NLGN1: variants seen among roughly 807,000 people sequenced by gnomAD.
The protein encoded by NLGN1 is neuroligin-1.
Under a neutral mutation model 65.5 loss-of-function variants are expected in NLGN1, and 12 were observed. The ratio of observed to expected loss-of-function variants is 0.18; its 90% CI spans 0.12 to 0.30. NLGN1 has a LOEUF of 0.30. Among genes scored for constraint, NLGN1 ranks in the 10% least tolerant of loss-of-function variants. NLGN1 has a pLI of 1.00. For synonymous variants in NLGN1, 350 were observed against 359.5 expected, an observed-to-expected ratio of 0.97 and a Z score of 0.30; for missense variants, 750 against 1,007.1, an observed-to-expected ratio of 0.74 and a Z score of 3.46.
chr3:174,104,597 G>T (rs954792944), intron 4 of NLGN1, among the ~76,000 whole-genome samples: 4 of 152,166 alleles, frequency 2.6e-5, no homozygotes, highest in East Asian at 3.9e-4. Context: ...AAGAATAAAA[G>T]ATATAAAAAC....
chr3:173,455,146 T>C (rs1407616187), intron 2 of NLGN1, among the ~76,000 whole-genome samples: 1 of 152,202 alleles, frequency 6.6e-6, no homozygotes. Flanking sequence ...TTCACATTGC[T>C]ATTAATAAAT....
chr3:173,744,826 A>AT (rs1467859113), intron 3 of NLGN1, among the ~76,000 whole-genome samples: 13 of 98,296 alleles, frequency 1.3e-4, no homozygotes, highest in East Asian at 4.5e-4. Flanking sequence ...GCTGTTATTT[A>AT]TTTATTTTTT....
chr3:173,822,632 T>C (rs1268357883), intron 4 of NLGN1, among the ~76,000 whole-genome samples: 2 of 152,090 alleles, frequency 1.3e-5, no homozygotes, highest in Non-Finnish European at 2.9e-5. Flanking sequence ...ACAATTCTGA[T>C]CCCCAAGCAT....
At position 174,279,717 on chromosome 3, in the gene NLGN1, A is replaced by G; in HGVS notation, c.1649+67A>G. 4.3e-6 allele frequency: 4 copies of G among 923,818 alleles called. No homozygotes were observed. Among genetic ancestry groups the G allele is most frequent in the Non-Finnish European group, 6.5e-6 (4 of 610,960 alleles). 57.2% of individuals were successfully genotyped at this position (923,818 alleles called of 1,614,324 possible). A position where few individuals can be genotyped will look rare whatever the true frequency, so the allele number is the denominator to read the frequency against. On this transcript the variant is annotated intron_variant, in intron 6 of 6. Coordinates refer to ENST00000457714, the Ensembl canonical transcript of NLGN1. This position sits in a 1 kb window ranked among gnomAD's most constrained non-coding sequence, Gnocchi z 4.7. ...TATTTTAACCATTTTAAAATAATAGATATTTATGCCCAGATAATGTCATAT... is the reference window on the plus strand; with the variant it reads ...TATTTTAACCATTTTAAAATAATAGGTATTTATGCCCAGATAATGTCATAT...
chr3:173,475,105 G>A (rs114796334), intron 2 of NLGN1, among the ~76,000 whole-genome samples: 11 of 152,130 alleles, frequency 7.2e-5, no homozygotes, highest in Non-Finnish European at 1.3e-4. Context: ...CTTATACTCT[G>A]GCTAATAGAT....
At chr3:173,951,116 C>T (rs6764805) in intron 4 of NLGN1, among the ~76,000 whole-genome samples, 1 of 152,060 alleles carries the variant, frequency 6.6e-6, no homozygotes, top group African/African-American at 2.4e-5. Context: ...ATCCATCTGC[C>T]TCGGCCTCCC....
chr3:173,455,319 T>C (rs1170160816), intron 2 of NLGN1, among the ~76,000 whole-genome samples: 1 of 151,988 alleles, frequency 6.6e-6, no homozygotes, highest in East Asian at 1.9e-4. Context: ...TGAAATCTCA[T>C]GTGAAAGAGC....
chr3:173,911,199 T>G (rs762036327), intron 4 of NLGN1, among the ~76,000 whole-genome samples: 2 of 152,216 alleles, frequency 1.3e-5, no homozygotes, highest in African/African-American at 2.4e-5. Context: ...AATAATTGTT[T>G]AAGCTGTTAC....
At chr3:173,850,394 C>G (rs1035766173) in intron 4 of NLGN1, among the ~76,000 whole-genome samples, 5 of 152,166 alleles carry the variant, frequency 3.3e-5, no homozygotes, top group Admixed American at 3.3e-4. Context: ...CAAGTTCTCT[C>G]TCTTCTTAAA....
chr3:174,249,710 A>G (rs1369094169), intron 4 of NLGN1, among the ~76,000 whole-genome samples: 2 of 152,228 alleles, frequency 1.3e-5, no homozygotes, highest in Non-Finnish European at 1.5e-5. Context: ...AGAAACCACA[A>G]GTCATTAGCC....
chr3:173,765,561 G>A (rs1778660196), intron 3 of NLGN1, among the ~76,000 whole-genome samples: 1 of 152,098 alleles, frequency 6.6e-6, no homozygotes, highest in Non-Finnish European at 1.5e-5. Flanking sequence ...CTGAGACAGT[G>A]CCTTGGGAGG....
chr3:173,880,279 T>C (rs1732959874), intron 4 of NLGN1, among the ~76,000 whole-genome samples: 1 of 152,072 alleles, frequency 6.6e-6, no homozygotes, highest in South Asian at 2.1e-4. Context: ...ATGTAGACCT[T>C]TTCTAGACTT....
chr3:174,123,334 G>A (rs1459860721), intron 4 of NLGN1, among the ~76,000 whole-genome samples: 2 of 152,104 alleles, frequency 1.3e-5, no homozygotes, highest in African/African-American at 2.4e-5. Context: ...CCCATGCATC[G>A]TCTGTGGTTG....
chr3:174,189,161 G>A (rs1731933417), intron 4 of NLGN1, among the ~76,000 whole-genome samples: 3 of 151,952 alleles, frequency 2.0e-5, no homozygotes, highest in Non-Finnish European at 2.9e-5. Flanking sequence ...CTGGACATGT[G>A]GGAGTTTGTT....
chr3:173,888,278 G>C (rs1000527448), intron 4 of NLGN1, among the ~76,000 whole-genome samples: 20 of 151,864 alleles, frequency 1.3e-4, no homozygotes, highest in Non-Finnish European at 2.8e-4. Flanking sequence ...AAAATCCTCA[G>C]ATGCTCAAAT....
At chr3:173,946,314 T>TTG (rs914854059) in intron 4 of NLGN1, among the ~76,000 whole-genome samples, 5 of 151,858 alleles carry the variant, frequency 3.3e-5, no homozygotes, top group Admixed American at 6.6e-5. Flanking sequence ...TTGTGTTTGG[T>TTG]TGTGTGTGTG....
chr3:173,795,643 G>A (rs1271079203), intron 3 of NLGN1, among the ~76,000 whole-genome samples: 1 of 151,976 alleles, frequency 6.6e-6, no homozygotes, highest in Non-Finnish European at 1.5e-5. Context: ...TTTAATGTTT[G>A]TCAGGTTGAA....
chr3:173,448,920 AT>A, intron 2 of NLGN1, among the ~76,000 whole-genome samples: 1 of 151,762 alleles, frequency 6.6e-6, no homozygotes, highest in East Asian at 1.9e-4. Context: ...CCCCTTTTTC[AT>A]TTTTTATTGC....
intron 3 of NLGN1, among the ~76,000 whole-genome samples, chr3:173,681,763 C>T (rs187883827): frequency 1.3e-5 from 2 of 152,186 alleles, no homozygotes. Context: ...ACTGAACAGA[C>T]AGTAACCCCC....
Sources: allele counts gnomAD v4.1 joint callset (sites outside exome capture counted in the v4.1 genomes callset), GRCh38; gene constraint gnomAD v4.1.1; non-coding constraint Gnocchi (gnomAD v3.1); transcripts MANE v1.5; gene names NCBI Gene and HGNC (gene_info 2026-07-23, HGNC 2026-07-21).